Variants in UXS1 observed in about 807,000 individuals in gnomAD.
The protein encoded by UXS1 is UDP-glucuronate decarboxylase 1.
A neutral mutation model predicts 62.6 loss-of-function variants in UXS1; 33 were observed. That is an observed-to-expected ratio of 0.53 (90% CI 0.40 to 0.70). UXS1 has a LOEUF of 0.70. UXS1 is among the 30% of genes least tolerant of loss of function. The probability of loss-of-function intolerance (pLI) is 0.00; values close to 1 mark genes in which losing one functional copy is unlikely to be tolerated. For missense variants in UXS1, 434 were observed against 556.3 expected, an observed-to-expected ratio of 0.78 and a Z score of 2.21; for synonymous variants, 213 against 206.8, an observed-to-expected ratio of 1.03 and a Z score of -0.26.
At chr2:106,095,004 G>GT (rs1252830547) in intron 14 of UXS1, among the ~76,000 whole-genome samples, 1 of 152,198 alleles carries the variant, frequency 6.6e-6, no homozygotes, top group African/African-American at 2.4e-5. Context: ...GATAATGCCT[G>GT]TAAGTTTCTT....
At chr2:106,106,755 A>G (rs1052282156) in intron 10 of UXS1, among the ~76,000 whole-genome samples, 1 of 152,194 alleles carries the variant, frequency 6.6e-6, no homozygotes, top group Non-Finnish European at 1.5e-5. Flanking sequence ...CTGAGTTGGT[A>G]GGACAGGAGG....
In UXS1 at chr2:106,106,830, CT is replaced by C. The variant is rs541365100; in HGVS notation, c.880-1994del. Reference sequence around the variant, plus strand: ...CTACACCAGTGCCGTAGGTGTAACTCTTTTTGTTTTTTACAACCTTATTTTG... The same window carrying C: ...CTACACCAGTGCCGTAGGTGTAACTCTTTTGTTTTTTACAACCTTATTTTG... On this transcript the variant is annotated intron_variant, in intron 10 of 14. Coordinates refer to ENST00000283148, the MANE Select transcript of UXS1 (RefSeq NM_001253875.2). Among the ~76,000 whole-genome samples, 286 of 152,292 alleles carry C rather than the reference CT, an allele frequency of 1.9e-3. 4 individuals carry two copies. The highest frequency in any genetic ancestry group is 0.017 in the Middle Eastern group (5 of 294).
chr2:106,139,611 G>A (rs1027175801), intron 6 of UXS1, among the ~76,000 whole-genome samples: 3 of 152,184 alleles, frequency 2.0e-5, no homozygotes, highest in African/African-American at 4.8e-5. Context: ...CGGAGAAATC[G>A]ACATTTTCTT....
chr2:106,152,262 G>T (rs942991395), intron 5 of UXS1, among the ~76,000 whole-genome samples: 2 of 152,194 alleles, frequency 1.3e-5, no homozygotes, highest in East Asian at 3.9e-4. Context: ...GACCAGCCTG[G>T]CCAACATGGT....
intron 8 of UXS1, among the ~76,000 whole-genome samples, chr2:106,125,226 C>T (rs2104931548): frequency 6.6e-6 from 1 of 152,330 alleles, no homozygotes; most frequent in Non-Finnish European, 1.5e-5. Context: ...GCTTTAAAGG[C>T]CAGCCCATGA....
chr2:106,185,389 G>A (rs115756832), intron 1 of UXS1, among the ~76,000 whole-genome samples: 4 of 152,280 alleles, frequency 2.6e-5, no homozygotes, highest in Non-Finnish European at 2.9e-5. Flanking sequence ...CTGATACCAC[G>A]TGTGTGTGCT....
At chr2:106,184,957 T>C (rs1684470509) in intron 1 of UXS1, among the ~76,000 whole-genome samples, 1 of 152,222 alleles carries the variant, frequency 6.6e-6, no homozygotes, top group South Asian at 2.1e-4. Flanking sequence ...TGCCCTAATG[T>C]CTGAACACTT....
chr2:106,188,706 C>T (rs1414706433), intron 1 of UXS1, among the ~76,000 whole-genome samples: 2 of 152,180 alleles, frequency 1.3e-5, no homozygotes, highest in African/African-American at 4.8e-5. Context: ...GGTCAGAAGG[C>T]CCCAACAAGG....
In UXS1 at chr2:106,118,267, C is replaced by T. The variant is rs528817581; in HGVS notation, c.759+4703G>A. Among the ~76,000 whole-genome samples, 3 of 152,080 alleles carry T rather than the reference C, an allele frequency of 2.0e-5. No homozygotes were observed. The East Asian group carries it at 5.8e-4, about 29-fold the overall frequency. On this transcript the variant is annotated intron_variant, in intron 9 of 14. Transcript: ENST00000283148. ...CTCAGGTAGAATATATATACCAACT[C>T]CGACTTTTTCAAAAGTACTTTGATG...
chr2:106,187,019 C>A (rs1015499167), intron 1 of UXS1, among the ~76,000 whole-genome samples: 3 of 151,602 alleles, frequency 2.0e-5, no homozygotes, highest in African/African-American at 7.3e-5. Flanking sequence ...AGTACTGTTA[C>A]GTCTGCACCT....
intron 7 of UXS1, among the ~76,000 whole-genome samples, chr2:106,127,473 T>G (rs1330419698): frequency 6.6e-6 from 1 of 152,226 alleles, no homozygotes; most frequent in Non-Finnish European, 1.5e-5. Context: ...AAACTAAGAC[T>G]ATTTCTGTAG....
chr2:106,104,497 C>T (rs2104852379), intron 11 of UXS1, among the ~76,000 whole-genome samples: 1 of 152,314 alleles, frequency 6.6e-6, no homozygotes, highest in South Asian at 2.1e-4. Flanking sequence ...CTTAACTCCA[C>T]CTGCGCTGAA....
In UXS1 at chr2:106,194,178, G is replaced by A; in HGVS notation, c.64C>T (p.Leu22=). Residue 22 remains leucine, a synonymous_variant, in exon 1 of 15, where the codon CTG becomes TTG. Transcript: ENST00000283148. ...ACGTAGGCCAGCAAGGCGATGCCCA[G>A]CAGCAGCTTCATCCTCCTGCGGTTG... ...AVNRRRMKLL[L]GIALLAYVAS... is the part of the protein sequence containing the mutation. 9 of 1,485,694 alleles carry A rather than the reference G, an allele frequency of 6.1e-6. No individual in the cohort carries two copies. Among genetic ancestry groups the A allele is most frequent in the Non-Finnish European group, 8.1e-6 (9 of 1,116,442 alleles). 92.0% of individuals were successfully genotyped at this position (1,485,694 alleles called of 1,614,324 possible).
intron 4 of UXS1, among the ~76,000 whole-genome samples, chr2:106,161,820 C>T (rs186420804): frequency 6.6e-6 from 1 of 152,284 alleles, no homozygotes; most frequent in East Asian, 1.9e-4. Flanking sequence ...AGCCCACATA[C>T]AATCCATTTA....
intron 9 of UXS1, among the ~76,000 whole-genome samples, chr2:106,120,369 AC>A (rs1679424943): frequency 6.6e-6 from 1 of 151,958 alleles, no homozygotes; most frequent in Non-Finnish European, 1.5e-5. Context: ...GGGCCCCAGG[AC>A]CCCTAGGGTC....
At chr2:106,136,749 C>G (rs1244615475) in intron 6 of UXS1, among the ~76,000 whole-genome samples, 3 of 51,950 alleles carry the variant, frequency 5.8e-5, no homozygotes, top group Middle Eastern at 5.9e-3. Context: ...ATATCACACT[C>G]TGGGGACTGT....
At chr2:106,097,757 A>G in intron 13 of UXS1, 1 of 172,466 alleles carries the variant, frequency 5.8e-6, no homozygotes, top group Non-Finnish European at 1.3e-5. Context: ...GAAGGAGTGG[A>G]TGGCACAGAG....
chr2:106,161,478 A>C (rs78195205), intron 4 of UXS1, among the ~76,000 whole-genome samples: 2,627 of 151,898 alleles, frequency 0.017, 41 homozygotes, highest in East Asian at 0.069. Context: ...CTTTCCATTA[A>C]GCTCCGTTCT....
intron 13 of UXS1, among the ~76,000 whole-genome samples, chr2:106,098,449 A>C (rs1677307331): frequency 6.6e-6 from 1 of 152,184 alleles, no homozygotes; most frequent in African/African-American, 2.4e-5. Context: ...GATCTAATAC[A>C]ATCGTGCCTC....
Sources: allele counts gnomAD v4.1 joint callset (sites outside exome capture counted in the v4.1 genomes callset), GRCh38; gene constraint gnomAD v4.1.1; transcripts MANE v1.5; gene names NCBI Gene and HGNC (gene_info 2026-07-23, HGNC 2026-07-21).